Variants in LAMTOR4 observed in about 807,000 individuals in gnomAD.
LAMTOR4 encodes the protein ragulator complex protein LAMTOR4.
In LAMTOR4, 11 loss-of-function variants were observed where a neutral mutation model predicts 13.5. The ratio of observed to expected loss-of-function variants is 0.82; its 90% CI spans 0.51 to 1.35. The LOEUF (loss-of-function observed/expected upper bound fraction) is 1.35, where lower values mean the gene tolerates loss of function less well. LAMTOR4 is among the 40% of genes most tolerant of loss of function. The pLI, the probability that LAMTOR4 is intolerant of heterozygous loss-of-function variation, is 0.00. For synonymous variants in LAMTOR4, 69 were observed against 52.3 expected, an observed-to-expected ratio of 1.32 and a Z score of -1.38; for missense variants, 128 against 126.2, an observed-to-expected ratio of 1.01 and a Z score of -0.07.
intron 2 of LAMTOR4, 25 bp downstream of exon 2, chr7:100,149,604 T>TC (rs1562948424): frequency 6.3e-7 from 1 of 1,583,476 alleles, no homozygotes; most frequent in Non-Finnish European, 8.7e-7. Context: ...AGGGAGGGGG[T>TC]CCCTTAGTGC....
chr7:100,149,190 G>A, intron 1 of LAMTOR4: 1 of 651,360 alleles, frequency 1.5e-6, no homozygotes, highest in Non-Finnish European at 2.6e-6. Flanking sequence ...TGCAGGTCGG[G>A]CGGAGACGAA....
At chr7:100,151,864 T>TA (rs59063201) in intron 2 of LAMTOR4, among the ~76,000 whole-genome samples, 57 of 141,662 alleles carry the variant, frequency 4.0e-4, no homozygotes, top group South Asian at 4.6e-4. Context: ...GCCCAGCCAT[T>TA]AAAAAAAAAA....
Position 100,154,037 on chromosome 7 carries a change from G to T in LAMTOR4, c.*73G>T. 8.4e-7 allele frequency: 1 copy of T among 1,184,952 alleles called. No individual in the cohort carries two copies. Among genetic ancestry groups the T allele is most frequent in the East Asian group, 2.5e-5 (1 of 39,316 alleles). The allele number at this position is 1,184,952 out of a possible 1,614,324, so 73.4% of individuals were successfully genotyped here. A position where few individuals can be genotyped will look rare whatever the true frequency, so the allele number is the denominator to read the frequency against. ...CTGTGATGAGGCAGGCACACCTGTC[G>T]GTCTTGGCTTGCTGCTAGAACTAGG... On this transcript the variant is annotated 3_prime_UTR_variant, in exon 4 of 4. Coordinates refer to ENST00000341942, the MANE Select transcript of LAMTOR4 (RefSeq NM_001008395.4).
At chr7:100,149,085 C>T (rs1798616555) in intron 1 of LAMTOR4, 110 bp downstream of exon 1, 3 of 1,370,016 alleles carry the variant, frequency 2.2e-6, no homozygotes, top group Non-Finnish European at 3.0e-6. Context: ...ACCTCCTATC[C>T]GCTCGGGGAG....
chr7:100,151,535 CCCG>C (rs747797328), intron 2 of LAMTOR4, among the ~76,000 whole-genome samples: 2 of 151,178 alleles, frequency 1.3e-5, no homozygotes, highest in Non-Finnish European at 2.9e-5. Context: ...ACTACAGGCG[CCCG>C]CCACCATGCC....
At chr7:100,152,630 C>T (rs1798739877) in intron 2 of LAMTOR4, 1 of 152,186 alleles carries the variant, frequency 6.6e-6, no homozygotes. Flanking sequence ...AAGCCCAAGC[C>T]ACTGTCCCAT....
At chr7:100,153,810 C>A in intron 3 of LAMTOR4, 57 bp from the exon 4 acceptor site, 1 of 1,283,596 alleles carries the variant, frequency 7.8e-7, no homozygotes, top group Non-Finnish European at 1.1e-6. Context: ...GTTGCACCCA[C>A]TAACTCTGTG....
At chr7:100,149,638 A>G (rs1414682548) in intron 2 of LAMTOR4, 59 bp downstream of exon 2, 3 of 1,264,546 alleles carry the variant, frequency 2.4e-6, no homozygotes, top group East Asian at 4.7e-5. Flanking sequence ...ACCCCTTCTA[A>G]TATTGGCCCT....
At chr7:100,150,988 C>CAAAAAAAAA (rs991277129) in intron 2 of LAMTOR4, among the ~76,000 whole-genome samples, 1 of 134,344 alleles carries the variant, frequency 7.4e-6, no homozygotes, top group African/African-American at 2.8e-5. Context: ...GACTCCGTCT[C>CAAAAAAAAA]AAAAAAAACA....
chr7:100,150,757 G>A (rs112328330), intron 2 of LAMTOR4, among the ~76,000 whole-genome samples: 3,155 of 151,958 alleles, frequency 0.021, 119 homozygotes, highest in African/African-American at 0.073. Flanking sequence ...AGGCCAAGGC[G>A]GGCGGATCAC....
At chr7:100,153,640 C>T (rs1210314473) in intron 3 of LAMTOR4, 123 bp downstream of exon 3, 3 of 921,174 alleles carry the variant, frequency 3.3e-6, no homozygotes, top group Non-Finnish European at 3.5e-6. Flanking sequence ...GGCCACTTTC[C>T]TCCCTTTGGG....
chr7:100,149,412 A>AC, intron 1 of LAMTOR4, 87 bp from the exon 2 acceptor site: 1 of 913,882 alleles, frequency 1.1e-6, no homozygotes, highest in Non-Finnish European at 1.8e-6. Flanking sequence ...GCCATCGTCA[A>AC]CCCAGAGACT....
intron 1 of LAMTOR4, 173 bp from the exon 2 acceptor site, chr7:100,149,326 G>A: frequency 1.5e-6 from 1 of 653,838 alleles, no homozygotes; most frequent in East Asian, 2.5e-5. Context: ...TGGAGGCTCG[G>A]GAAGATCAGT....
In LAMTOR4 at chr7:100,149,571, G is replaced by GTGCT; in HGVS notation, c.77_80dup (p.Ser29GlyfsTer9). The stretch of plus-strand genomic sequence containing the variant: ...CTACCTGGTACTGAGTGAAGGTGCA[G>GTGCT]TGCTGGCGGTGCGTTCTGGGAAAGG... On this transcript the variant is annotated frameshift_variant, in exon 2 of 4. Coordinates refer to ENST00000341942, the MANE Select transcript of LAMTOR4 (RefSeq NM_001008395.4). LOFTEE classifies it high-confidence loss of function. 1.2e-6 allele frequency: 2 copies of GTGCT among 1,613,710 alleles called. No individual in the cohort carries two copies. Among genetic ancestry groups the GTGCT allele is most frequent in the Non-Finnish European group, 1.7e-6 (2 of 1,179,644 alleles).
chr7:100,148,944 A>T lies in LAMTOR4; in HGVS notation c.-29A>T, dbSNP rs200644107. 1 of 1,612,234 alleles carries T rather than the reference A, an allele frequency of 6.2e-7. No homozygotes were observed. The highest frequency in any genetic ancestry group is 8.5e-7 in the Non-Finnish European group (1 of 1,179,906). On this transcript the variant is annotated 5_prime_UTR_variant, in exon 1 of 4. Coordinates refer to ENST00000341942, the MANE Select transcript of LAMTOR4 (RefSeq NM_001008395.4). ...TGAAGCCGGAAGCTACCTATCTGGT[A>T]GGGAGCTCCCCCAGCACCGAAGACT... is the stretch of plus-strand genomic sequence containing the variant.
Position 100,153,977 on chromosome 7 carries a change from G to C in LAMTOR4, c.*13G>C, listed in dbSNP as rs539559227. 63 of 1,566,708 alleles carry C rather than the reference G, an allele frequency of 4.0e-5. 1 individual carries two copies. In the South Asian group the frequency reaches 7.4e-4, roughly 18 times the overall value. ...CATTGATGTCTGAGCCTGCCGGAGG[G>C]CGAGGGTCGGAGAAGCGGATTGGGT... On this transcript the variant is annotated 3_prime_UTR_variant, in exon 4 of 4. Coordinates refer to ENST00000341942, the MANE Select transcript of LAMTOR4 (RefSeq NM_001008395.4).
At chr7:100,149,688 AT>A in intron 2 of LAMTOR4, 109 bp downstream of exon 2, 1 of 819,298 alleles carries the variant, frequency 1.2e-6, no homozygotes, top group Non-Finnish European at 2.1e-6. Flanking sequence ...CCTGGCATCT[AT>A]TAGGTTGGTA....
chr7:100,149,754 AGTC>A, intron 2 of LAMTOR4, 175 bp downstream of exon 2: 1 of 547,572 alleles, frequency 1.8e-6, no homozygotes, highest in Middle Eastern at 3.7e-4. Flanking sequence ...GTGGAATCTT[AGTC>A]TCCTAACGGC....
chr7:100,153,776 G>T, intron 3 of LAMTOR4, 91 bp from the exon 4 acceptor site: 1 of 915,662 alleles, frequency 1.1e-6, no homozygotes. Context: ...GCCAATGTGC[G>T]TGTGGCCCCG....
Sources: allele counts gnomAD v4.1 joint callset (sites outside exome capture counted in the v4.1 genomes callset), GRCh38; gene constraint gnomAD v4.1.1; transcripts MANE v1.5; gene names NCBI Gene and HGNC (gene_info 2026-07-23, HGNC 2026-07-21).